TMPRSS3: variants seen among roughly 807,000 people sequenced by gnomAD.
TMPRSS3 encodes the protein transmembrane serine protease 3, also known as transmembrane protease serine 3.
A neutral mutation model predicts 59.6 loss-of-function variants in TMPRSS3; 55 were observed. That is an observed-to-expected ratio of 0.92 (90% CI 0.74 to 1.16). TMPRSS3 has a LOEUF of 1.16. Among genes scored for constraint, TMPRSS3 ranks in the 50% most tolerant of loss-of-function variants. The probability of loss-of-function intolerance (pLI) is 0.00; values close to 1 mark genes in which losing one functional copy is unlikely to be tolerated. For synonymous variants in TMPRSS3, 257 were observed against 237.7 expected, an observed-to-expected ratio of 1.08 and a Z score of -0.75; for missense variants, 596 against 579.4, an observed-to-expected ratio of 1.03 and a Z score of -0.29.
intron 3 of TMPRSS3, among the ~76,000 whole-genome samples, chr21:42,389,726 C>T (rs1477352922): frequency 6.6e-6 from 1 of 152,214 alleles, no homozygotes; most frequent in Non-Finnish European, 1.5e-5. Flanking sequence ...ATGAGCATGG[C>T]CAGCAGCCCT....
At chr21:42,387,491 C>G (rs2052656162) in intron 5 of TMPRSS3, among the ~76,000 whole-genome samples, 1 of 152,026 alleles carries the variant, frequency 6.6e-6, no homozygotes, top group East Asian at 1.9e-4. Flanking sequence ...TGAATTGCAG[C>G]TCATTTCTGA....
Position 42,385,272 on chromosome 21 carries a change from C to G in TMPRSS3, c.572+137G>C. 3 of 1,174,292 alleles carry G rather than the reference C, an allele frequency of 2.6e-6. No homozygotes were observed. The East Asian group carries it at 7.1e-5, about 28-fold the overall frequency. The allele number at this position is 1,174,292 out of a possible 1,614,324, so 72.7% of individuals were successfully genotyped here. A position where few individuals can be genotyped will look rare whatever the true frequency, so the allele number is the denominator to read the frequency against. On this transcript the variant is annotated intron_variant, in intron 6 of 12. Transcript: ENST00000644384. ...AGCCTGGCGCATCCACCAGTCTCAT[C>G]AAGGTGGCCAACTCCCACCTTCCAT... is the stretch of plus-strand genomic sequence containing the variant.
At chr21:42,382,977 C>T in intron 8 of TMPRSS3, 56 bp downstream of exon 8, 2 of 1,609,674 alleles carry the variant, frequency 1.2e-6, no homozygotes, top group Admixed American at 1.7e-5. Flanking sequence ...AGCAGCCCCA[C>T]CCTGACATGA....
chr21:42,384,274 T>G (rs939706441), intron 6 of TMPRSS3, among the ~76,000 whole-genome samples: 12 of 152,062 alleles, frequency 7.9e-5, no homozygotes, highest in Admixed American at 4.6e-4. Flanking sequence ...AGATAGCTAG[T>G]GATAAAGGAT....
Position 42,372,799 on chromosome 21 carries a change from C to T in TMPRSS3, c.1345-20G>A, listed in dbSNP as rs369626015. On this transcript the variant is annotated intron_variant, in intron 12 of 12. Transcript: ENST00000644384. ...GTCTCTCTATAAATGAAAACAAAGG[C>T]GTTATTGTTTTTAGCACTTCCAGCC... 22 of 1,613,952 alleles carry T rather than the reference C, an allele frequency of 1.4e-5. No individual in the cohort carries two copies. Among genetic ancestry groups the T allele is most frequent in the African/African-American group, 8.0e-5 (6 of 75,008 alleles).
At chr21:42,393,494 T>C (rs529401772) in intron 2 of TMPRSS3, among the ~76,000 whole-genome samples, 5 of 152,266 alleles carry the variant, frequency 3.3e-5, no homozygotes, top group Admixed American at 2.6e-4. Context: ...AATGTCACCA[T>C]AGATATACGC....
Position 42,388,914 on chromosome 21 carries a change from G to C in TMPRSS3, c.322+15C>G. 1 of 1,609,428 alleles carries C rather than the reference G, an allele frequency of 6.2e-7. No individual in the cohort carries two copies. Among genetic ancestry groups the C allele is most frequent in the African/African-American group, 1.3e-5 (1 of 74,962 alleles). On this transcript the variant is annotated intron_variant, in intron 4 of 12. Transcript: ENST00000644384. The surrounding 1 kb of genome is among the most constrained non-coding windows in gnomAD (Gnocchi z 5.1). ...GCTTCCTTCTGTTTCCCCAGGGGAAGAGCCATGACCTTACCACAGCGGTAC... is the reference window on the plus strand; with the variant it reads ...GCTTCCTTCTGTTTCCCCAGGGGAACAGCCATGACCTTACCACAGCGGTAC...
chr21:42,386,383 G>T (rs756224918), intron 5 of TMPRSS3, among the ~76,000 whole-genome samples: 1 of 152,224 alleles, frequency 6.6e-6, no homozygotes, highest in Non-Finnish European at 1.5e-5. Context: ...CGGCGGGCAC[G>T]ACCTTCGCAG....
rs376916029 is a variant in TMPRSS3 at position 42,380,163 on chromosome 21, A to T, written c.1002T>A (p.Asp334Glu). 4 of 1,613,944 alleles carry T rather than the reference A, an allele frequency of 2.5e-6. No individual in the cohort carries two copies. Among genetic ancestry groups the T allele is most frequent in the African/African-American group, 1.3e-5 (1 of 74,898 alleles). ...ATCCTGACGTCCAGCACACTTTTCCATCGGGGAAGTTCTCTTCAGAGTTGG... is the reference window on the plus strand; with the variant it reads ...ATCCTGACGTCCAGCACACTTTTCCTTCGGGGAAGTTCTCTTCAGAGTTGG... ...CLPNSEENFP[D>E]GKVCWTSGWG... The change falls in exon 10 of 13, where the codon GAT (aspartate) becomes GAA (glutamate). Residue 334 changes from aspartate (D) to glutamate (E), a missense_variant. Asp to Glu is a conservative substitution (Grantham distance 45). Coordinates refer to ENST00000644384, the MANE Select transcript of TMPRSS3 (RefSeq NM_001256317.3).
chr21:42,385,312 G>A, intron 6 of TMPRSS3, 97 bp downstream of exon 6: 2 of 1,535,204 alleles, frequency 1.3e-6, no homozygotes, highest in Non-Finnish European at 9.0e-7. Context: ...GATAACACAT[G>A]CATGCCTCTT....
chr21:42,381,960 G>T, intron 9 of TMPRSS3, 105 bp downstream of exon 9: 2 of 1,408,292 alleles, frequency 1.4e-6, no homozygotes, highest in South Asian at 2.3e-5. Flanking sequence ...ATTAATATCT[G>T]ACAAGGATTA....
At chr21:42,389,268 C>T in intron 3 of TMPRSS3, 1 of 811,968 alleles carries the variant, frequency 1.2e-6, no homozygotes, top group East Asian at 2.7e-5. Context: ...TGGCCTGGCC[C>T]AGGAACCACA....
rs942531034 is a variant in TMPRSS3 at position 42,395,529 on chromosome 21, A to T, written c.-51-61T>A. On this transcript the variant is annotated intron_variant, in intron 1 of 12. Transcript: ENST00000644384. ...TATTTATACTTGTAGCATCAGGTGCATCTTGGTCATACGGTAAATCTTTGA... is the reference window on the plus strand; with the variant it reads ...TATTTATACTTGTAGCATCAGGTGCTTCTTGGTCATACGGTAAATCTTTGA... 9.7e-6 allele frequency: 9 copies of T among 925,422 alleles called. No homozygotes were observed. The African/African-American group carries it at 1.5e-4, about 15-fold the overall frequency. The allele number at this position is 925,422 out of a possible 1,614,324, so 57.3% of individuals were successfully genotyped here.
intron 2 of TMPRSS3, among the ~76,000 whole-genome samples, chr21:42,393,166 C>A (rs2052755480): frequency 6.6e-6 from 1 of 152,074 alleles, no homozygotes; most frequent in Non-Finnish European, 1.5e-5. Flanking sequence ...ATCGCTTGAA[C>A]CCGGGCGGTT....
rs1307868528 is a variant in TMPRSS3, at chr21:42,372,334, C to T, written c.*428G>A. 2 of 456,198 alleles carry T rather than the reference C, an allele frequency of 4.4e-6. No individual in the cohort carries two copies. Among genetic ancestry groups the T allele is most frequent in the Non-Finnish European group, 8.8e-6 (2 of 228,346 alleles). 28.3% of individuals were successfully genotyped at this position (456,198 alleles called of 1,614,324 possible). A position where few individuals can be genotyped will look rare whatever the true frequency, so the allele number is the denominator to read the frequency against. On this transcript the variant is annotated 3_prime_UTR_variant, in exon 13 of 13. Coordinates refer to ENST00000644384, the MANE Select transcript of TMPRSS3 (RefSeq NM_001256317.3). ...CAGCACTGTGGGAGGCTGAAGCAGG[C>T]ACATCATTTGAGGTCAGGGGTTTGA...
Position 42,385,479 on chromosome 21 carries a change from C to A in TMPRSS3, c.502G>T (p.Glu168Ter). Residue 168 changes from glutamate (E) to a stop codon, truncating the protein, a stop_gained, in exon 6 of 13, where the codon GAG (glutamate) becomes TAG (stop). Transcript: ENST00000644384. LOFTEE classifies it high-confidence loss of function. ...AAGAGGTGATCGATGGACACAAACT[C>A]CTCCCGGAACTGCCCCTCCAGCGAG... ...VSSLEGQFRE[E>*]FVSIDHLLPD... The A allele has an allele frequency of 6.2e-7, 1 of 1,614,152 alleles. No individual in the cohort carries two copies. The highest frequency in any genetic ancestry group is 8.5e-7 in the Non-Finnish European group (1 of 1,180,022).
intron 7 of TMPRSS3, chr21:42,383,651 G>C (rs1471638013): frequency 1.7e-6 from 1 of 585,714 alleles, no homozygotes; most frequent in African/African-American, 1.8e-5. Flanking sequence ...GCCTGGAGTG[G>C]GCACTGTGCA....
Position 42,380,136 on chromosome 21 carries a change from C to T in TMPRSS3, c.1029G>A (p.Trp343Ter). The change falls in exon 10 of 13, where the codon TGG becomes TGA. Residue 343 changes from tryptophan to a stop codon, truncating the protein, a stop_gained. Coordinates refer to ENST00000644384, the MANE Select transcript of TMPRSS3 (RefSeq NM_001256317.3). LOFTEE classifies it high-confidence loss of function. ...PDGKVCWTSG[W>*]GATEDGGDAS... ...ACTGACCTCCATCCTCTGTGGCCCC[C>T]CATCCTGACGTCCAGCACACTTTTC... is the stretch of plus-strand genomic sequence containing the variant. 1.2e-6 allele frequency: 2 copies of T among 1,614,130 alleles called. No homozygotes were observed. The highest frequency in any genetic ancestry group is 1.7e-6 in the Non-Finnish European group (2 of 1,179,986).
At position 42,383,304 on chromosome 21, in the gene TMPRSS3, G is replaced by T. The variant is rs746221078; in HGVS notation, c.617-106C>A. On this transcript the variant is annotated intron_variant, in intron 7 of 12. Transcript: ENST00000644384. ...CTCTCTCCCCACCCTCACTGCCCCTGCTCCCAGAGCTCACAGCAGCTCTAA... is the reference window on the plus strand; with the variant it reads ...CTCTCTCCCCACCCTCACTGCCCCTTCTCCCAGAGCTCACAGCAGCTCTAA... 3.5e-5 allele frequency: 41 copies of T among 1,173,990 alleles called. 1 individual carries two copies. In the African/African-American group the frequency reaches 4.8e-4, roughly 14 times the overall value. The allele number at this position is 1,173,990 out of a possible 1,614,324, so 72.7% of individuals were successfully genotyped here. A position where few individuals can be genotyped will look rare whatever the true frequency, so the allele number is the denominator to read the frequency against.
Sources: allele counts gnomAD v4.1 joint callset (sites outside exome capture counted in the v4.1 genomes callset), GRCh38; gene constraint gnomAD v4.1.1; non-coding constraint Gnocchi (gnomAD v3.1); transcripts MANE v1.5; gene names NCBI Gene and HGNC (gene_info 2026-07-23, HGNC 2026-07-21).